The following C3orf22 variants were observed in gnomAD, a reference collection of about 807,000 sequenced individuals.
C3orf22 encodes the protein uncharacterized protein C3orf22.
A neutral mutation model predicts 10.8 loss-of-function variants in C3orf22; 7 were observed. The observed-to-expected ratio is 0.65, with a 90% CI of 0.37 to 1.22. C3orf22 has a LOEUF of 1.22. Ranked by LOEUF, C3orf22 falls within the 50% of genes most tolerant of loss-of-function variation. The pLI, the probability that C3orf22 is intolerant of heterozygous loss-of-function variation, is 0.02. For missense variants in C3orf22, 173 were observed against 177.0 expected (o/e 0.98, Z 0.13); for synonymous variants, 79 against 78.9 (o/e 1.00, Z 0.00).
At position 126,549,758 on chromosome 3, in the gene C3orf22, T is replaced by C; in HGVS notation, c.*110A>G. Reference sequence around the variant, plus strand: ...TGGGGGGACCACAAACCACTCCCGGTCTATGATGGCCATGAAGGCTGATCC... The same window carrying C: ...TGGGGGGACCACAAACCACTCCCGGCCTATGATGGCCATGAAGGCTGATCC... On this transcript the variant is annotated 3_prime_UTR_variant, in exon 4 of 4. Coordinates refer to ENST00000318225, the MANE Select transcript of C3orf22 (RefSeq NM_152533.3). 6.6e-7 allele frequency: 1 copy of C among 1,508,514 alleles called. No individual in the cohort carries two copies. The highest frequency in any genetic ancestry group is 8.9e-7 in the Non-Finnish European group (1 of 1,128,434). The allele number at this position is 1,508,514 out of a possible 1,614,324, so 93.4% of individuals were successfully genotyped here. A position where few individuals can be genotyped will look rare whatever the true frequency, so the allele number is the denominator to read the frequency against.
chr3:126,538,838 T>A (rs1167683729), intron 4 of C3orf22, among the ~76,000 whole-genome samples: 1 of 152,170 alleles, frequency 6.6e-6, no homozygotes, highest in East Asian at 1.9e-4. Flanking sequence ...TAGCATGATG[T>A]CCTCAGGGTT....
intron 4 of C3orf22, among the ~76,000 whole-genome samples, chr3:126,536,918 CACACA>C (rs1936807542): frequency 6.6e-6 from 1 of 151,458 alleles, no homozygotes; most frequent in Admixed American, 6.6e-5. Context: ...CACACACACA[CACACA>C]CCCCACACAC....
chr3:126,539,472 T>TGC (rs2107570884), intron 4 of C3orf22, among the ~76,000 whole-genome samples: 1 of 136,204 alleles, frequency 7.3e-6, no homozygotes, highest in Admixed American at 7.2e-5. Flanking sequence ...CCACACACAC[T>TGC]GCACACACAC....
intron 2 of C3orf22, 21 bp downstream of exon 2, chr3:126,553,281 A>C: frequency 6.4e-7 from 1 of 1,561,466 alleles, no homozygotes; most frequent in Non-Finnish European, 8.8e-7. Context: ...GCTTGTCTCC[A>C]GAGGTGTCAG....
At chr3:126,529,258 C>G in exon 5 of C3orf22, 1 of 1,217,604 alleles carries the variant, frequency 8.2e-7, no homozygotes. Flanking sequence ...GGCCTTGCAA[C>G]ATGACGTGTG....
downstream of C3orf22, among the ~76,000 whole-genome samples, chr3:126,549,255 C>CA (rs199881414): frequency 0.055 from 8,108 of 148,094 alleles, 290 homozygotes; most frequent in South Asian, 0.13. Flanking sequence ...ATCCACGCCC[C>CA]CCCCCCCACA....
chr3:126,553,505 G>A, intron 1 of C3orf22, 75 bp from the exon 2 acceptor site: 1 of 974,316 alleles, frequency 1.0e-6, no homozygotes, highest in East Asian at 2.4e-5. Flanking sequence ...GTACCCAGCA[G>A]GGCTGGGGGT....
At chr3:126,551,418 G>A (rs1210328939) in intron 3 of C3orf22, among the ~76,000 whole-genome samples, 5 of 152,320 alleles carry the variant, frequency 3.3e-5, no homozygotes, top group Middle Eastern at 3.4e-3. Context: ...CAGAAGCTCT[G>A]TTTCTTTCTC....
At chr3:126,542,413 C>T in intron 4 of C3orf22, 1 of 1,552,432 alleles carries the variant, frequency 6.4e-7, no homozygotes, top group Non-Finnish European at 8.7e-7. Context: ...CCGACCTGAG[C>T]TTCCCTGGGC....
chr3:126,548,473 A>G (rs892303492), downstream of C3orf22, among the ~76,000 whole-genome samples: 6 of 152,242 alleles, frequency 3.9e-5, no homozygotes. Flanking sequence ...TATATCAAAC[A>G]GTGCATAGCT....
At chr3:126,541,928 G>T (rs757930551) in intron 4 of C3orf22, 1 of 1,594,548 alleles carries the variant, frequency 6.3e-7, no homozygotes, top group Non-Finnish European at 8.5e-7. Context: ...CGTGCTGCTG[G>T]CGCTGAGCGG....
intron 4 of C3orf22, chr3:126,542,255 C>CCGCGCA (rs1936979191): frequency 6.5e-7 from 1 of 1,545,504 alleles, no homozygotes; most frequent in Non-Finnish European, 8.7e-7. Flanking sequence ...CCTGCTGGAC[C>CCGCGCA]CGCGCACGCG....
intron 2 of C3orf22, 118 bp from the exon 3 acceptor site, chr3:126,552,240 GC>G (rs1346134483): frequency 6.8e-7 from 1 of 1,467,338 alleles, no homozygotes; most frequent in Non-Finnish European, 9.2e-7. Flanking sequence ...ACAAATATTA[GC>G]CCATATGTCA....
downstream of C3orf22, among the ~76,000 whole-genome samples, chr3:126,546,782 A>AC (rs1333271412): frequency 8.5e-5 from 13 of 152,110 alleles, no homozygotes; most frequent in African/African-American, 2.9e-4. Flanking sequence ...GCTCAAGGGT[A>AC]CATTCCTTGT....
intron 2 of C3orf22, 81 bp downstream of exon 2, chr3:126,553,221 C>T (rs1179122625): frequency 1.0e-6 from 1 of 995,950 alleles, no homozygotes; most frequent in East Asian, 2.4e-5. Flanking sequence ...TGCAGCCCCA[C>T]AGAATGCATT....
In C3orf22 at chr3:126,549,949, G is replaced by A. The variant is rs747108179; in HGVS notation, c.345C>T (p.Ala115=). The change falls in exon 4 of 4, where the codon GCC becomes GCT. Residue 115 remains alanine (A), a synonymous_variant. Coordinates refer to ENST00000318225, the MANE Select transcript of C3orf22 (RefSeq NM_152533.3). ...LLSRRFPRQL[A]FLLSTRHTEA... is the part of the protein sequence containing the mutation. ...CAGTGTGCCGGGTGGACAGCAGGAA[G>A]GCGAGTTGTCTGGGGAAGCGGCGAC... 3.1e-6 allele frequency: 5 copies of A among 1,614,154 alleles called. No individual in the cohort carries two copies. In the South Asian group the frequency reaches 4.4e-5, roughly 14 times the overall value.
chr3:126,546,203 A>G (rs555851504), downstream of C3orf22, among the ~76,000 whole-genome samples: 1 of 152,288 alleles, frequency 6.6e-6, no homozygotes, highest in Non-Finnish European at 1.5e-5. Flanking sequence ...GCCTGGGCAC[A>G]AGAAGGCTGG....
In C3orf22 at chr3:126,553,265, G is replaced by A. The variant is rs1937243043; in HGVS notation, c.89+37C>T. On this transcript the variant is annotated intron_variant, in intron 2 of 3. Coordinates refer to ENST00000318225, the MANE Select transcript of C3orf22 (RefSeq NM_152533.3). Reference sequence around the variant, plus strand: ...CAGGATGCTGGGGTGACCTGGGGGAGGCAGGGCTTGTCTCCAGAGGTGTCA... The same window carrying A: ...CAGGATGCTGGGGTGACCTGGGGGAAGCAGGGCTTGTCTCCAGAGGTGTCA... 1.7e-5 allele frequency: 25 copies of A among 1,450,140 alleles called. No individual in the cohort carries two copies. The East Asian group carries it at 5.7e-4, about 33-fold the overall frequency. 89.8% of individuals were successfully genotyped at this position (1,450,140 alleles called of 1,614,324 possible).
At chr3:126,556,020 C>T (rs1001223360) in intron 1 of C3orf22, among the ~76,000 whole-genome samples, 1 of 152,238 alleles carries the variant, frequency 6.6e-6, no homozygotes, top group Non-Finnish European at 1.5e-5. Flanking sequence ...CACCCTGTCC[C>T]ATCCTACCTG....
Sources: gnomAD v4.1 joint callset for allele counts (sites outside exome capture counted in the v4.1 genomes callset) on GRCh38, gnomAD v4.1.1 for gene constraint, MANE v1.5 for transcripts, NCBI Gene and HGNC (gene_info 2026-07-23, HGNC 2026-07-21) for gene names.